PLEKHD1: variants seen among roughly 807,000 people sequenced by gnomAD.
PLEKHD1 encodes the protein pleckstrin homology domain-containing family D member 1.
In PLEKHD1, 51 loss-of-function variants were observed where a neutral mutation model predicts 69.2. That is an observed-to-expected ratio of 0.74 (90% CI 0.59 to 0.93). The LOEUF is 0.93. PLEKHD1 is among the 40% of genes least tolerant of loss of function. The probability of loss-of-function intolerance (pLI) is 0.00; values close to 1 mark genes in which losing one functional copy is unlikely to be tolerated. For missense variants in PLEKHD1, 584 were observed against 641.0 expected (o/e 0.91, Z 0.96); for synonymous variants, 236 against 244.7 (o/e 0.96, Z 0.33).
In PLEKHD1 at chr14:69,490,909, A is replaced by C. The variant is rs953820152; in HGVS notation, c.149+5795A>C. Among the ~76,000 whole-genome samples the C allele has an allele frequency of 2.6e-5, 4 of 152,238 alleles. No homozygotes were observed. The East Asian group carries it at 7.7e-4, about 29-fold the overall frequency. Reference sequence around the variant, plus strand: ...AGGAGGGAGACTGGCTGCTGGGCCTATTCTGGAAGTTTGTGCCCGGGGAAG... The same window carrying C: ...AGGAGGGAGACTGGCTGCTGGGCCTCTTCTGGAAGTTTGTGCCCGGGGAAG... On this transcript the variant is annotated intron_variant, in intron 1 of 12. Transcript: ENST00000322564.
chr14:69,484,832 G>C lies in PLEKHD1; in HGVS notation c.-134G>C, dbSNP rs1216151263. The C allele has an allele frequency of 3.6e-6, 4 of 1,099,478 alleles. No homozygotes were observed. The East Asian group carries it at 1.0e-4, about 29-fold the overall frequency. The allele number at this position is 1,099,478 out of a possible 1,614,324, so 68.1% of individuals were successfully genotyped here. On this transcript the variant is annotated 5_prime_UTR_variant, in exon 1 of 13. Transcript: ENST00000322564. ...GTGCCCAGCGCGCTTTGATGCTGCA[G>C]CTCCGGGCCGGGCCGCTCTGCTTCT...
intron 2 of PLEKHD1, 140 bp downstream of exon 2, chr14:69,500,348 A>AC: frequency 2.5e-6 from 2 of 785,708 alleles, no homozygotes; most frequent in Non-Finnish European, 4.0e-6. Flanking sequence ...GGGGCAAAAG[A>AC]CCCCCTGCCC....
chr14:69,469,924 G>T, the PLEKHD1 span, among the ~76,000 whole-genome samples: 1 of 151,626 alleles, frequency 6.6e-6, no homozygotes, highest in Non-Finnish European at 1.5e-5. Context: ...GTTTCATCTT[G>T]TTGGCCAGGC....
intron 5 of PLEKHD1, chr14:69,502,219 T>G (rs1883044712): frequency 5.5e-6 from 1 of 183,106 alleles, no homozygotes; most frequent in African/African-American, 2.4e-5. Flanking sequence ...AGACATGCAG[T>G]AAGGGCTCCA....
chr14:69,518,301 A>G (rs1883432718), intron 6 of PLEKHD1, among the ~76,000 whole-genome samples: 3 of 152,042 alleles, frequency 2.0e-5, no homozygotes, highest in South Asian at 4.2e-4. Flanking sequence ...TCGGCCTCCC[A>G]TGGTGCTAGG....
intron 6 of PLEKHD1, among the ~76,000 whole-genome samples, chr14:69,522,050 C>T (rs1485830582): frequency 6.6e-6 from 1 of 152,224 alleles, no homozygotes; most frequent in Non-Finnish European, 1.5e-5. Context: ...ACCCAGTCTT[C>T]AGCATGCAAA....
At chr14:69,521,280 T>G (rs1194096380) in intron 6 of PLEKHD1, among the ~76,000 whole-genome samples, 1 of 152,152 alleles carries the variant, frequency 6.6e-6, no homozygotes, top group Non-Finnish European at 1.5e-5. Context: ...ATATAGCAAC[T>G]CTTTGGGTAA....
upstream of PLEKHD1, among the ~76,000 whole-genome samples, chr14:69,482,831 A>C (rs1461372318): frequency 6.6e-6 from 1 of 151,684 alleles, no homozygotes; most frequent in Non-Finnish European, 1.5e-5. Context: ...TGAGGTGGGA[A>C]GATCACTTGT....
intron 1 of PLEKHD1, among the ~76,000 whole-genome samples, chr14:69,498,380 T>C (rs1882938448): frequency 6.6e-6 from 1 of 151,060 alleles, no homozygotes; most frequent in Non-Finnish European, 1.5e-5. Flanking sequence ...CACCCAGCCT[T>C]CTATTTTTGA....
upstream of PLEKHD1, among the ~76,000 whole-genome samples, chr14:69,484,173 C>T (rs1300445415): frequency 1.3e-5 from 2 of 152,222 alleles, no homozygotes; most frequent in Admixed American, 6.5e-5. Flanking sequence ...GAGCCCCTCC[C>T]CATGCGGGCA....
chr14:69,489,655 A>C (rs2139493406), intron 1 of PLEKHD1, among the ~76,000 whole-genome samples: 1 of 150,852 alleles, frequency 6.6e-6, no homozygotes, highest in East Asian at 2.0e-4. Context: ...GCCAGTAACC[A>C]GCTGCATGAT....
At chr14:69,491,075 A>G (rs1469368098) in intron 1 of PLEKHD1, among the ~76,000 whole-genome samples, 1 of 152,240 alleles carries the variant, frequency 6.6e-6, no homozygotes, top group African/African-American at 2.4e-5. Context: ...AAGGAAGTCT[A>G]AAATCTGTAC....
chr14:69,510,712 A>C (rs1340475456), intron 6 of PLEKHD1, among the ~76,000 whole-genome samples: 1 of 152,154 alleles, frequency 6.6e-6, no homozygotes, highest in Admixed American at 6.5e-5. Flanking sequence ...AGACAGTATT[A>C]TTTCTTTCTT....
intron 1 of PLEKHD1, among the ~76,000 whole-genome samples, chr14:69,487,182 A>AACACGCACAC (rs1555411870): frequency 7.1e-6 from 1 of 140,356 alleles, no homozygotes; most frequent in Non-Finnish European, 1.5e-5. Context: ...GGGAATACAC[A>AACACGCACAC]ACACACACAC....
chr14:69,530,682 A>G lies in PLEKHD1; in HGVS notation c.*2263A>G, dbSNP rs1307042875. ...AACAGAAATGTACTGGCTCACAGAT[A>G]TGGTGGCTAAGACGTCCAATATCAA... On this transcript the variant is annotated 3_prime_UTR_variant, in exon 13 of 13. Transcript: ENST00000322564. 6.6e-6 allele frequency: 1 copy of G among 152,220 alleles called. No individual in the cohort carries two copies. Among genetic ancestry groups the G allele is most frequent in the Non-Finnish European group, 1.5e-5 (1 of 68,046 alleles). The allele number at this position is 152,220 out of a possible 1,614,324, so 9.4% of individuals were successfully genotyped here.
chr14:69,490,216 T>C (rs1882747523), intron 1 of PLEKHD1, among the ~76,000 whole-genome samples: 1 of 152,182 alleles, frequency 6.6e-6, no homozygotes, highest in African/African-American at 2.4e-5. Flanking sequence ...CCATGACTGG[T>C]TTCATGGAAG....
intron 6 of PLEKHD1, among the ~76,000 whole-genome samples, chr14:69,507,856 A>C (rs1359332657): frequency 2.6e-5 from 4 of 151,874 alleles, no homozygotes; most frequent in African/African-American, 2.4e-5. Context: ...CTATAGGTGC[A>C]CTCCAGCACA....
chr14:69,526,627 G>A, intron 9 of PLEKHD1, 70 bp from the exon 10 acceptor site: 4 of 1,426,428 alleles, frequency 2.8e-6, no homozygotes, highest in Non-Finnish European at 3.7e-6. Flanking sequence ...TCTCTAAGAG[G>A]AGCTGTCCAT....
At position 69,500,945 on chromosome 14, in the gene PLEKHD1, G is replaced by A. The variant is rs1024566193; in HGVS notation, c.408G>A (p.Lys136=). The A allele has an allele frequency of 2.5e-5, 39 of 1,551,384 alleles. No individual in the cohort carries two copies. Among genetic ancestry groups the A allele is most frequent in the Non-Finnish European group, 3.1e-5 (35 of 1,146,996 alleles). Residue 136 remains lysine, a splice_region_variant and synonymous_variant, in exon 4 of 13, where the codon AAG becomes AAA. Transcript: ENST00000322564. ...TGGAGATGCTGCAGGAGTCTGGGAA[G>A]GTGTAAGTGCTCACAGCCAGGAGGG... ...QWLEMLQESG[K]VTWKNAQLGE...
Sources: allele counts gnomAD v4.1 joint callset (sites outside exome capture counted in the v4.1 genomes callset), GRCh38; gene constraint gnomAD v4.1.1; transcripts MANE v1.5; gene names NCBI Gene and HGNC (gene_info 2026-07-23, HGNC 2026-07-21).